The following NBPF20 variants were observed in gnomAD, a reference collection of about 807,000 sequenced individuals.
The protein encoded by NBPF20 is NBPF family member NBPF20.
NBPF20 carries 90 observed loss-of-function variants against 68.1 expected under a neutral mutation model. The observed-to-expected ratio is 1.32, with a 90% CI of 1.11 to 1.58. The LOEUF is 1.58. NBPF20 is among the 40% of genes most tolerant of loss of function. The pLI, the probability that NBPF20 is intolerant of heterozygous loss-of-function variation, is 0.00. For synonymous variants in NBPF20, 290 were observed against 228.1 expected (o/e 1.27, Z -2.45); for missense variants, 816 against 601.2 (o/e 1.36, Z -3.74).
the NBPF20 span, among the ~76,000 whole-genome samples, chr1:145,425,397 T>A: frequency 6.6e-5 from 10 of 152,040 alleles, no homozygotes; most frequent in African/African-American, 2.4e-4. Flanking sequence ...TAACTTCCCA[T>A]CCAGACGGCA....
At chr1:145,407,428 C>CGT (rs1216294551), upstream of NBPF20, among the ~76,000 whole-genome samples, 5 of 144,518 alleles carry the variant, frequency 3.5e-5, no homozygotes, top group East Asian at 2.0e-4. Context: ...CATGTATACA[C>CGT]GTATACATGT....
chr1:145,417,633 A>G, the NBPF20 span, among the ~76,000 whole-genome samples: 1 of 149,536 alleles, frequency 6.7e-6, no homozygotes, highest in Non-Finnish European at 1.5e-5. Context: ...AAAAAAAAAA[A>G]AAAAAAAAGG....
intron 7 of NBPF20, among the ~76,000 whole-genome samples, chr1:145,396,544 T>G (rs1174479021): frequency 6.6e-6 from 1 of 151,118 alleles, no homozygotes; most frequent in Non-Finnish European, 1.5e-5. Flanking sequence ...CCAAAACACT[T>G]AATTGTCAGA....
exon 138 of NBPF20, chr1:145,291,281 T>C (rs1414079097): frequency 6.0e-5 from 38 of 637,860 alleles, no homozygotes; most frequent in Non-Finnish European, 8.6e-5. Context: ...CAAATTAAAA[T>C]GTCTGACTGA....
exon 138 of NBPF20, chr1:145,291,575 A>G (rs1553657605): frequency 1.2e-6 from 2 of 1,612,004 alleles, no homozygotes; most frequent in African/African-American, 1.3e-5. Flanking sequence ...GAGACTTGTC[A>G]CCGTCAAAGT....
At chr1:145,401,020 G>A (rs1307730020) in intron 5 of NBPF20, 39 bp downstream of exon 10, 1 of 1,527,072 alleles carries the variant, frequency 6.5e-7, no homozygotes, top group Non-Finnish European at 9.0e-7. Flanking sequence ...TTCCTCATAT[G>A]TTACCATCCA....
intron 2 of NBPF20, among the ~76,000 whole-genome samples, chr1:145,404,415 C>T (rs1174001040): frequency 1.3e-5 from 2 of 152,112 alleles, no homozygotes; most frequent in South Asian, 2.1e-4. Context: ...CCCACCACGA[C>T]GCCCATCTAC....
chr1:145,393,927 A>C (rs1662076963), exon 9 of NBPF20: 10 of 1,397,860 alleles, frequency 7.2e-6, no homozygotes, highest in Middle Eastern at 2.1e-4. Flanking sequence ...ACTTGATCCC[A>C]CCGATGTCCT....
chr1:145,393,595 C>T (rs1662050872), intron 9 of NBPF20: 2 of 654,866 alleles, frequency 3.1e-6, no homozygotes, highest in African/African-American at 1.8e-5. Context: ...TCATGAAAAG[C>T]ATGTCCTCAA....
chr1:145,400,259 T>C (rs1662455966), intron 6 of NBPF20, 130 bp downstream of exon 11: 28 of 1,584,528 alleles, frequency 1.8e-5, no homozygotes, highest in Non-Finnish European at 2.4e-5. Flanking sequence ...ACAAAAAAAG[T>C]CCCTGATATC....
At position 145,306,038 on chromosome 1, in the gene NBPF20, TACTA is replaced by T. The variant is rs1661398684; in HGVS notation, c.14468_14471del (p.Val4823GlufsTer120). 1 of 457,734 alleles carries T rather than the reference TACTA, an allele frequency of 2.2e-6. No homozygotes were observed. The highest frequency in any genetic ancestry group is 3.7e-6 in the Non-Finnish European group (1 of 270,568). 28.4% of individuals were successfully genotyped at this position (457,734 alleles called of 1,614,324 possible). ...GTGAGTCCTGCAAGACTTCAGGCTC[TACTA>T]CCTCCAGCAGCTCCCTGCTGAGCCT... On this transcript the variant is annotated frameshift_variant, in exon 120 of 138. Coordinates refer to ENST00000369373, the Ensembl canonical transcript of NBPF20. LOFTEE classifies it high-confidence loss of function.
intron 137 of NBPF20, among the ~76,000 whole-genome samples, chr1:145,292,032 G>C (rs587653384): frequency 8.0e-5 from 12 of 149,746 alleles, no homozygotes; most frequent in Non-Finnish European, 1.5e-4. Context: ...TGACATACTG[G>C]TAAGGGAGTC....
At chr1:145,292,641 T>A (rs367684760) in intron 136 of NBPF20, among the ~76,000 whole-genome samples, 152 bp from the exon 142 acceptor site, 1 of 148,404 alleles carries the variant, frequency 6.7e-6, no homozygotes, top group Non-Finnish European at 1.5e-5. Flanking sequence ...TGAAGGCTGT[T>A]CATGATAGAA....
rs1477603442 is a variant in NBPF20, at chr1:145,402,391, G to A, written c.279-10C>T. The A allele has an allele frequency of 1.3e-5, 21 of 1,602,508 alleles. No homozygotes were observed. The highest frequency in any genetic ancestry group is 4.5e-5 in the East Asian group (2 of 44,828). ...CAGGACTTTATATTGCCTAAGGTGA[G>A]ACGGTAGAGAAAATTTAAGAGTGGA... On this transcript the variant is annotated splice_polypyrimidine_tract_variant and intron_variant, in intron 3 of 137. Coordinates refer to ENST00000369373, the Ensembl canonical transcript of NBPF20.
exon 138 of NBPF20, chr1:145,291,360 C>G (rs587697203): frequency 6.7e-7 from 1 of 1,485,948 alleles, no homozygotes; most frequent in Non-Finnish European, 9.1e-7. Context: ...TGTCTTCAGA[C>G]TGAGCACAGG....
chr1:145,291,457 C>T, exon 138 of NBPF20: 1 of 1,611,936 alleles, frequency 6.2e-7, no homozygotes, highest in Non-Finnish European at 8.5e-7. Flanking sequence ...ACTGTACTTT[C>T]ATTCAAATCT....
At chr1:145,292,611 G>A (rs782594684) in intron 136 of NBPF20, 122 bp from the exon 142 acceptor site, 32 of 747,316 alleles carry the variant, frequency 4.3e-5, no homozygotes, top group Middle Eastern at 3.6e-4. Context: ...GACACTTTGA[G>A]AGATATATTT....
At chr1:145,399,998 A>T (rs1265911774) in intron 6 of NBPF20, among the ~76,000 whole-genome samples, 1 of 152,204 alleles carries the variant, frequency 6.6e-6, no homozygotes, top group Admixed American at 6.5e-5. Context: ...AGCCGGGGGA[A>T]CAATATTTCC....
the NBPF20 span, among the ~76,000 whole-genome samples, chr1:145,412,558 T>C: frequency 6.6e-6 from 1 of 151,958 alleles, no homozygotes; most frequent in Non-Finnish European, 1.5e-5. Context: ...CAGTAAAGAA[T>C]GCCCATAAAA....
Sources: gnomAD v4.1 joint callset for allele counts (sites outside exome capture counted in the v4.1 genomes callset) on GRCh38, gnomAD v4.1.1 for gene constraint, MANE v1.5 for transcripts, NCBI Gene and HGNC (gene_info 2026-07-23, HGNC 2026-07-21) for gene names.